Variants in PRMT3 observed in about 807,000 individuals in gnomAD.
PRMT3 encodes protein arginine methyltransferase 3.
Under a neutral mutation model 71.9 loss-of-function variants are expected in PRMT3, and 62 were observed. The ratio of observed to expected loss-of-function variants is 0.86; its 90% CI spans 0.70 to 1.07. The LOEUF (loss-of-function observed/expected upper bound fraction) is 1.07. Among genes scored for constraint, PRMT3 ranks in the 50% least tolerant of loss-of-function variants. The pLI is 0.00. For missense variants in PRMT3, 663 were observed against 643.0 expected (o/e 1.03, Z -0.34); for synonymous variants, 213 against 220.4 (o/e 0.97, Z 0.30).
At chr11:20,457,118 G>A (rs1459111612) in intron 11 of PRMT3, among the ~76,000 whole-genome samples, 1 of 152,046 alleles carries the variant, frequency 6.6e-6, no homozygotes, top group Non-Finnish European at 1.5e-5. Context: ...TTGCTTGCTT[G>A]CTTTCCTTTT....
intron 15 of PRMT3, among the ~76,000 whole-genome samples, chr11:20,502,974 G>A (rs530049786): frequency 2.6e-5 from 4 of 152,052 alleles, no homozygotes; most frequent in African/African-American, 9.6e-5. Flanking sequence ...CTCTTTTGTT[G>A]ATGAAGATGG....
At chr11:20,475,284 A>G (rs999452004) in intron 13 of PRMT3, among the ~76,000 whole-genome samples, 3 of 152,192 alleles carry the variant, frequency 2.0e-5, no homozygotes, top group Admixed American at 6.5e-5. Context: ...AGGAACTTCT[A>G]CTTTCTACAG....
intron 9 of PRMT3, among the ~76,000 whole-genome samples, chr11:20,419,662 C>G (rs1165598168): frequency 2.6e-5 from 4 of 152,022 alleles, no homozygotes; most frequent in Non-Finnish European, 5.9e-5. Context: ...AAGTGGTGGT[C>G]CAGTTTTGTT....
chr11:20,452,052 A>T, intron 10 of PRMT3, 78 bp from the exon 11 acceptor site: 1 of 997,364 alleles, frequency 1.0e-6, no homozygotes, highest in Non-Finnish European at 1.5e-6. Flanking sequence ...TTAAAAGAGT[A>T]GCACCGATGT....
At chr11:20,490,815 T>TTGC (rs1851187863) in intron 13 of PRMT3, among the ~76,000 whole-genome samples, 1 of 840 alleles carries the variant, frequency 1.2e-3, no homozygotes, top group South Asian at 0.05. Flanking sequence ...TTTTCTGTTC[T>TTGC]TGTTGTTCCA....
At chr11:20,471,990 T>G (rs1427026780) in intron 13 of PRMT3, among the ~76,000 whole-genome samples, 3 of 152,164 alleles carry the variant, frequency 2.0e-5, no homozygotes, top group African/African-American at 7.2e-5. Flanking sequence ...ATGATTTGGC[T>G]CTCAGCTTGC....
At chr11:20,437,923 G>A (rs7938758) in intron 10 of PRMT3, among the ~76,000 whole-genome samples, 136,591 of 152,132 alleles carry the variant, frequency 0.9, 62,382 homozygotes, top group Non-Finnish European at 0.99. Flanking sequence ...CTCAGTTGCA[G>A]CAGTTTGGGA....
At position 20,508,423 on chromosome 11, in the gene PRMT3, A is replaced by G. The variant is rs752729995; in HGVS notation, c.*10A>G. The G allele has an allele frequency of 5.8e-6, 9 of 1,563,904 alleles. No homozygotes were observed. In the East Asian group the frequency reaches 2.0e-4, roughly 35 times the overall value. ...TTATGGTCTCCAGTGAAACAGCCAT[A>G]AAAGCACACTACCTTGTAGTTTTTA... On this transcript the variant is annotated 3_prime_UTR_variant, in exon 16 of 16. Transcript: ENST00000331079.
At chr11:20,431,687 T>C (rs1849658022) in intron 10 of PRMT3, among the ~76,000 whole-genome samples, 1 of 152,156 alleles carries the variant, frequency 6.6e-6, no homozygotes, top group Admixed American at 6.5e-5. Context: ...GTGGTTGGTA[T>C]ACAGAAGTAT....
intron 8 of PRMT3, 133 bp from the exon 9 acceptor site, chr11:20,407,778 C>T (rs538770551): frequency 1.1e-5 from 10 of 887,576 alleles, no homozygotes; most frequent in South Asian, 4.0e-5. Context: ...CGTGAGCCAC[C>T]GCGCCTGGCC....
chr11:20,498,215 GGAA>G (rs1291009040), intron 15 of PRMT3, among the ~76,000 whole-genome samples: 11 of 152,142 alleles, frequency 7.2e-5, no homozygotes, highest in African/African-American at 2.7e-4. Context: ...CCTAGTCCTT[GGAA>G]GAAGCTGAGG....
chr11:20,506,202 T>C (rs1851587130), intron 15 of PRMT3, among the ~76,000 whole-genome samples: 1 of 152,206 alleles, frequency 6.6e-6, no homozygotes, highest in Non-Finnish European at 1.5e-5. Flanking sequence ...AAGTGTTGAA[T>C]AAATATAAGC....
intron 13 of PRMT3, 93 bp downstream of exon 13, chr11:20,464,639 A>G: frequency 3.2e-6 from 5 of 1,544,100 alleles, no homozygotes; most frequent in Non-Finnish European, 4.4e-6. Flanking sequence ...TGACAAATGA[A>G]AATGACTATT....
intron 2 of PRMT3, among the ~76,000 whole-genome samples, chr11:20,388,364 G>T (rs564672666): frequency 2.3e-4 from 35 of 152,242 alleles, no homozygotes; most frequent in Non-Finnish European, 4.7e-4. Flanking sequence ...TGTACTGCAA[G>T]CTTTTGACTG....
At chr11:20,403,548 G>GT (rs1274924486) in intron 8 of PRMT3, among the ~76,000 whole-genome samples, 2 of 151,652 alleles carry the variant, frequency 1.3e-5, no homozygotes, top group Non-Finnish European at 2.9e-5. Flanking sequence ...GTGTGTGCAT[G>GT]TGCCTGTGTG....
intron 9 of PRMT3, among the ~76,000 whole-genome samples, chr11:20,414,979 CTT>C (rs922086192): frequency 1.3e-5 from 2 of 149,844 alleles, no homozygotes; most frequent in African/African-American, 5.0e-5. Flanking sequence ...AGTGAAGTAT[CTT>C]AAGGTAATGA....
At chr11:20,464,685 T>C in intron 13 of PRMT3, 139 bp downstream of exon 13, 1 of 1,366,146 alleles carries the variant, frequency 7.3e-7, no homozygotes, top group African/African-American at 1.5e-5. Context: ...TGCTAGGCCA[T>C]TGAACAGATC....
intron 3 of PRMT3, among the ~76,000 whole-genome samples, chr11:20,391,503 A>G (rs969653704): frequency 1.4e-4 from 21 of 152,204 alleles, no homozygotes; most frequent in Admixed American, 1.2e-3. Flanking sequence ...TTGGCCTCCC[A>G]AAGTGCTGGG....
At chr11:20,472,714 A>G (rs144289556) in intron 13 of PRMT3, among the ~76,000 whole-genome samples, 3 of 152,096 alleles carry the variant, frequency 2.0e-5, no homozygotes, top group African/African-American at 7.2e-5. Flanking sequence ...TATCAGGATG[A>G]TGCTGGCCTC....
Sources: allele counts gnomAD v4.1 joint callset (sites outside exome capture counted in the v4.1 genomes callset), GRCh38; gene constraint gnomAD v4.1.1; transcripts MANE v1.5; gene names NCBI Gene and HGNC (gene_info 2026-07-23, HGNC 2026-07-21).